The following ZNF804A variants were observed in gnomAD, a reference collection of about 807,000 sequenced individuals.
ZNF804A encodes the protein zinc finger protein 804A.
Under a neutral mutation model 16.5 loss-of-function variants are expected in ZNF804A, and 2 were observed. The ratio of observed to expected loss-of-function variants is 0.12; its 90% CI spans 0.05 to 0.38. The LOEUF is 0.38. Ranked by LOEUF, ZNF804A falls within the 10% of genes least tolerant of loss-of-function variation. ZNF804A has a pLI of 0.99. For missense variants in ZNF804A, 1,473 were observed against 1,390.7 expected (o/e 1.06, Z -0.94); for synonymous variants, 534 against 489.6 (o/e 1.09, Z -1.20).
chr2:184,730,363 G>A (rs935595206), intron 1 of ZNF804A, among the ~76,000 whole-genome samples: 10 of 151,944 alleles, frequency 6.6e-5, no homozygotes, highest in African/African-American at 9.7e-5. Context: ...TAAAATTGAC[G>A]AATATACACA....
At chr2:184,690,911 T>C (rs1692715122) in intron 1 of ZNF804A, among the ~76,000 whole-genome samples, 1 of 152,062 alleles carries the variant, frequency 6.6e-6, no homozygotes. Context: ...AATTTTTGTT[T>C]GAAAAAATAT....
At chr2:184,856,667 C>T (rs190137881) in intron 1 of ZNF804A, among the ~76,000 whole-genome samples, 1 of 152,024 alleles carries the variant, frequency 6.6e-6, no homozygotes, top group South Asian at 2.1e-4. Context: ...GATAGTGACA[C>T]CTTTGCTTTC....
intron 1 of ZNF804A, among the ~76,000 whole-genome samples, chr2:184,687,176 T>C (rs1205161584): frequency 6.6e-6 from 1 of 152,202 alleles, no homozygotes; most frequent in Non-Finnish European, 1.5e-5. Context: ...AAATTTTTAA[T>C]CCATCTTGAG....
intron 2 of ZNF804A, among the ~76,000 whole-genome samples, chr2:184,882,345 G>T (rs752448211): frequency 6.6e-6 from 1 of 151,862 alleles, no homozygotes; most frequent in Non-Finnish European, 1.5e-5. Context: ...TTCAATAACC[G>T]TAACATAATA....
At chr2:184,680,877 C>T (rs943968254) in intron 1 of ZNF804A, among the ~76,000 whole-genome samples, 5 of 152,248 alleles carry the variant, frequency 3.3e-5, no homozygotes, top group Non-Finnish European at 7.3e-5. Flanking sequence ...GTGACAACCA[C>T]TTTGGGGCTC....
chr2:184,740,441 C>G (rs1383208183), intron 1 of ZNF804A, among the ~76,000 whole-genome samples: 1 of 152,170 alleles, frequency 6.6e-6, no homozygotes, highest in African/African-American at 2.4e-5. Context: ...CTTTGATTTT[C>G]TGATGACGCT....
intron 1 of ZNF804A, among the ~76,000 whole-genome samples, chr2:184,839,771 A>G (rs1695407187): frequency 6.6e-6 from 1 of 152,158 alleles, no homozygotes; most frequent in South Asian, 2.1e-4. Context: ...GAAAAAATAT[A>G]ATGAAATGAA....
chr2:184,915,817 C>T (rs1685440223), intron 2 of ZNF804A, among the ~76,000 whole-genome samples: 1 of 151,976 alleles, frequency 6.6e-6, no homozygotes, highest in Non-Finnish European at 1.5e-5. Context: ...TTTAAAGCTG[C>T]CATGAGAAAA....
chr2:184,694,072 G>C (rs1453107131), intron 1 of ZNF804A, among the ~76,000 whole-genome samples: 1 of 151,436 alleles, frequency 6.6e-6, no homozygotes, highest in Non-Finnish European at 1.5e-5. Context: ...GGGATTACAG[G>C]TGTGTGTGAC....
chr2:184,758,925 G>T (rs1446655394), intron 1 of ZNF804A, among the ~76,000 whole-genome samples: 1 of 151,762 alleles, frequency 6.6e-6, no homozygotes, highest in Non-Finnish European at 1.5e-5. Flanking sequence ...ATTTCTGCAA[G>T]AAAGTAGTAT....
At chr2:184,840,179 A>C (rs1695414564) in intron 1 of ZNF804A, among the ~76,000 whole-genome samples, 1 of 152,192 alleles carries the variant, frequency 6.6e-6, no homozygotes, top group African/African-American at 2.4e-5. Context: ...ACCTGAGGTC[A>C]GGAGTTCGAG....
At chr2:184,702,628 A>G (rs900873041) in intron 1 of ZNF804A, among the ~76,000 whole-genome samples, 1 of 152,136 alleles carries the variant, frequency 6.6e-6, no homozygotes, top group Non-Finnish European at 1.5e-5. Flanking sequence ...GATCTGGTTC[A>G]TAATAAAGAT....
chr2:184,910,448 GTC>G (rs1176634108), intron 2 of ZNF804A, among the ~76,000 whole-genome samples: 1 of 151,946 alleles, frequency 6.6e-6, no homozygotes, highest in Non-Finnish European at 1.5e-5. Context: ...ACATGCATGT[GTC>G]TTTATCGTAG....
intron 1 of ZNF804A, among the ~76,000 whole-genome samples, chr2:184,747,235 A>G (rs1286107679): frequency 6.7e-6 from 1 of 150,202 alleles, no homozygotes; most frequent in African/African-American, 2.4e-5. Flanking sequence ...TGAAATTAAG[A>G]AATGTTTGAA....
Position 184,872,419 on chromosome 2 carries a change from C to T in ZNF804A, c.255+5907C>T, listed in dbSNP as rs960473659. On this transcript the variant is annotated intron_variant, in intron 2 of 3. Transcript: ENST00000302277. ...TATTATTCACAGATCCTATGATGGT[C>T]TAATGAGAATTTGAAAAGTTGTCTG... Among the ~76,000 whole-genome samples, 5 of 152,018 alleles carry T rather than the reference C, an allele frequency of 3.3e-5. No homozygotes were observed. In the East Asian group the frequency reaches 9.6e-4, roughly 29 times the overall value.
intron 1 of ZNF804A, among the ~76,000 whole-genome samples, chr2:184,740,674 A>T (rs13001215): frequency 0.34 from 50,988 of 152,086 alleles, 11,903 homozygotes; most frequent in African/African-American, 0.67. Context: ...TAATTTAGTT[A>T]GTAAATTTAA....
chr2:184,796,524 T>A (rs763153114), intron 1 of ZNF804A, among the ~76,000 whole-genome samples: 19 of 152,106 alleles, frequency 1.2e-4, no homozygotes, highest in Middle Eastern at 3.4e-3. Flanking sequence ...AAAGTGTTCA[T>A]AGTGGCCTTG....
intron 2 of ZNF804A, among the ~76,000 whole-genome samples, chr2:184,894,143 A>T (rs1202194723): frequency 6.6e-6 from 1 of 152,170 alleles, no homozygotes; most frequent in Non-Finnish European, 1.5e-5. Flanking sequence ...AGATATGGAA[A>T]GGAAACAAAG....
At chr2:184,678,810 G>A (rs537990735) in intron 1 of ZNF804A, among the ~76,000 whole-genome samples, 7 of 152,252 alleles carry the variant, frequency 4.6e-5, no homozygotes, top group African/African-American at 1.4e-4. Context: ...ACTATATACT[G>A]AAGAGGAATA....
Sources: allele counts gnomAD v4.1 joint callset (sites outside exome capture counted in the v4.1 genomes callset), GRCh38; gene constraint gnomAD v4.1.1; transcripts MANE v1.5; gene names NCBI Gene and HGNC (gene_info 2026-07-23, HGNC 2026-07-21).